Variants in PCDHGA3 observed in about 807,000 individuals in gnomAD.
PCDHGA3 encodes protocadherin gamma subfamily A, 3, also known as protocadherin gamma-A3.
PCDHGA3 carries 40 observed loss-of-function variants against 58.5 expected under a neutral mutation model. The ratio of observed to expected loss-of-function variants is 0.68; its 90% CI spans 0.53 to 0.89. PCDHGA3 has a LOEUF of 0.89. Ranked by LOEUF, PCDHGA3 falls within the 40% of genes least tolerant of loss-of-function variation. The pLI, the probability that PCDHGA3 is intolerant of heterozygous loss-of-function variation, is 0.00. For synonymous variants in PCDHGA3, 530 were observed against 525.7 expected (o/e 1.01, Z -0.11); for missense variants, 1,223 against 1,195.9 (o/e 1.02, Z -0.33).
In PCDHGA3 at chr5:141,431,616, A is replaced by G. The variant is rs776151297; in HGVS notation, c.2425-63191A>G. 1 of 1,614,250 alleles carries G rather than the reference A, an allele frequency of 6.2e-7. No individual in the cohort carries two copies. Among genetic ancestry groups the G allele is most frequent in the Non-Finnish European group, 8.5e-7 (1 of 1,180,042 alleles). ...AGGTATTCCTTCCGGTATGTGGACG[A>G]CAAGGCGGCCCAAGTTTTCAAACTA... On this transcript the variant is annotated intron_variant, in intron 1 of 3. Transcript: ENST00000253812. This position sits in a 1 kb window ranked among gnomAD's most constrained non-coding sequence, Gnocchi z 4.8.
rs1280923293 is a variant in PCDHGA3 at position 141,478,837 on chromosome 5, G to A, written c.2425-15970G>A. ...AACTAACCAATCTTGCTAAGGGATG[G>A]TTAAGCTAAAACACAAGATCTCAGC... is the stretch of plus-strand genomic sequence containing the variant. On this transcript the variant is annotated intron_variant, in intron 1 of 3. Transcript: ENST00000253812. 3.5e-6 allele frequency: 5 copies of A among 1,428,112 alleles called. No homozygotes were observed. The African/African-American group carries it at 5.8e-5, about 16-fold the overall frequency. The allele number at this position is 1,428,112 out of a possible 1,614,324, so 88.5% of individuals were successfully genotyped here.
At chr5:141,503,387 G>A (rs975079596) in intron 2 of PCDHGA3, among the ~76,000 whole-genome samples, 24 of 152,068 alleles carry the variant, frequency 1.6e-4, no homozygotes, top group Middle Eastern at 3.4e-3. Flanking sequence ...ATGAGGTCAG[G>A]AGTTCGAAAC....
Position 141,395,191 on chromosome 5 carries a change from C to T in PCDHGA3, c.2424+48734C>T, listed in dbSNP as rs781685191. ...TGTGAGAAAAATGATTCTTTGTTAA[C>T]ATCCGTAGATTTTCATGAATATAAG... is the stretch of plus-strand genomic sequence containing the variant. On this transcript the variant is annotated intron_variant, in intron 1 of 3. Transcript: ENST00000253812. 8 of 1,614,074 alleles carry T rather than the reference C, an allele frequency of 5.0e-6. 1 individual carries two copies. The South Asian group carries it at 7.7e-5, about 16-fold the overall frequency.
intron 1 of PCDHGA3, chr5:141,352,382 G>T (rs749766771): frequency 8.7e-6 from 14 of 1,614,026 alleles, no homozygotes; most frequent in Non-Finnish European, 1.1e-5. Flanking sequence ...TCTAGCGATC[G>T]CCCTGCGCCT....
At position 141,491,692 on chromosome 5, in the gene PCDHGA3, C is replaced by A. The variant is rs749349869; in HGVS notation, c.2425-3115C>A. The A allele has an allele frequency of 6.2e-7, 1 of 1,612,592 alleles. No homozygotes were observed. Among genetic ancestry groups the A allele is most frequent in the Non-Finnish European group, 8.5e-7 (1 of 1,179,338 alleles). On this transcript the variant is annotated intron_variant, in intron 1 of 3. Coordinates refer to ENST00000253812, the MANE Select transcript of PCDHGA3 (RefSeq NM_018916.4). This position sits in a 1 kb window ranked among gnomAD's most constrained non-coding sequence, Gnocchi z 6.9. ...GTCCCGCTCTAATACGCTGCGGGAG[C>A]GGAGCCAGGTGAGGGGCTCGGCGCC...
intron 1 of PCDHGA3, chr5:141,373,926 G>A: frequency 1.5e-6 from 1 of 662,052 alleles, no homozygotes; most frequent in Non-Finnish European, 2.3e-6. Flanking sequence ...AAATTAGACG[G>A]GAAAGCAGGA....
chr5:141,429,583 T>A (rs2097226045), intron 1 of PCDHGA3, among the ~76,000 whole-genome samples: 2 of 152,218 alleles, frequency 1.3e-5, no homozygotes, highest in South Asian at 4.1e-4. Flanking sequence ...TTACTTTTGA[T>A]TCTTGTAATT....
chr5:141,398,803 A>C (rs551301850), intron 1 of PCDHGA3: 2 of 1,613,960 alleles, frequency 1.2e-6, no homozygotes, highest in African/African-American at 2.7e-5. Context: ...AAGCGGCACC[A>C]CTGAGCTCCG....
At chr5:141,457,318 C>T (rs990268003) in intron 1 of PCDHGA3, among the ~76,000 whole-genome samples, 3 of 152,238 alleles carry the variant, frequency 2.0e-5, no homozygotes, top group South Asian at 2.1e-4. Context: ...AAGAAACCTC[C>T]GGGTTACAGG....
chr5:141,409,130 G>A, intron 1 of PCDHGA3: 1 of 1,613,994 alleles, frequency 6.2e-7, no homozygotes, highest in South Asian at 1.1e-5. Context: ...ATTTGATTTT[G>A]AAGATGTAGA....
At chr5:141,379,309 C>T (rs1297432422) in intron 1 of PCDHGA3, 3 of 152,102 alleles carry the variant, frequency 2.0e-5, no homozygotes, top group Admixed American at 1.3e-4. Context: ...TATACCTAAA[C>T]AAGAGATCTA....
At chr5:141,394,955 C>A (rs2093135329) in intron 1 of PCDHGA3, 11 of 1,613,878 alleles carry the variant, frequency 6.8e-6, no homozygotes, top group Non-Finnish European at 8.5e-6. Context: ...TTCTGGGGCT[C>A]AGGCTGAGGC....
chr5:141,405,390 T>C (rs1561700240), intron 1 of PCDHGA3: 1 of 1,600,118 alleles, frequency 6.2e-7, no homozygotes, highest in South Asian at 1.1e-5. Context: ...AGTTCATTTT[T>C]TTTCTTTCTT....
At position 141,454,796 on chromosome 5, in the gene PCDHGA3, A is replaced by ATT. The variant is rs61612330; in HGVS notation, c.2425-39983_2425-39982dup. On this transcript the variant is annotated intron_variant, in intron 1 of 3. Coordinates refer to ENST00000253812, the MANE Select transcript of PCDHGA3 (RefSeq NM_018916.4). Reference sequence around the variant, plus strand: ...AAGGAAATAATCCTCCATGGTTCTAATTTTTTTTTTTTTTTTTTTTTTTTT... The same window carrying ATT: ...AAGGAAATAATCCTCCATGGTTCTAATTTTTTTTTTTTTTTTTTTTTTTTTTT... 6.7e-3 allele frequency among the ~76,000 whole-genome samples: 521 copies of ATT among 77,456 alleles called. 71 individuals are homozygous for ATT. The highest frequency in any genetic ancestry group is 0.017 in the Middle Eastern group (2 of 120). The allele number at this position is 77,456 out of a possible 152,430, so 50.8% of individuals were successfully genotyped here.
chr5:141,356,962 G>A, intron 1 of PCDHGA3: 1 of 1,614,224 alleles, frequency 6.2e-7, no homozygotes, highest in Non-Finnish European at 8.5e-7. Context: ...CGGCTACCTG[G>A]TGACCAAAGT....
At chr5:141,401,805 G>C (rs1307812903) in intron 1 of PCDHGA3, among the ~76,000 whole-genome samples, 1 of 152,132 alleles carries the variant, frequency 6.6e-6, no homozygotes, top group Non-Finnish European at 1.5e-5. Context: ...TTCAGTAAAT[G>C]GGTTCCTTAC....
chr5:141,366,653 T>C (rs1764716259), intron 1 of PCDHGA3: 3 of 1,614,122 alleles, frequency 1.9e-6, no homozygotes, highest in Non-Finnish European at 1.7e-6. Context: ...CCAGCCCAAC[T>C]ACGCAGACAC....
intron 1 of PCDHGA3, chr5:141,385,474 T>C (rs554098554): frequency 2.1e-6 from 3 of 1,436,644 alleles, no homozygotes; most frequent in African/African-American, 1.4e-5. Flanking sequence ...GGTGACACTT[T>C]AATATAGAAC....
In PCDHGA3 at chr5:141,511,402, A is replaced by C; in HGVS notation, c.*229A>C. On this transcript the variant is annotated 3_prime_UTR_variant, in exon 4 of 4. Transcript: ENST00000253812. Reference sequence around the variant, plus strand: ...TTCCGCTGGGAACCCCCATCCAATCAACTGCTGTACCCATGGGGGTAGTGG... The same window carrying C: ...TTCCGCTGGGAACCCCCATCCAATCCACTGCTGTACCCATGGGGGTAGTGG... The C allele has an allele frequency of 1.0e-6, 1 of 969,684 alleles. No individual in the cohort carries two copies. 60.1% of individuals were successfully genotyped at this position (969,684 alleles called of 1,614,324 possible).
Sources: allele counts gnomAD v4.1 joint callset (sites outside exome capture counted in the v4.1 genomes callset), GRCh38; gene constraint gnomAD v4.1.1; non-coding constraint Gnocchi (gnomAD v3.1); transcripts MANE v1.5; gene names NCBI Gene and HGNC (gene_info 2026-07-23, HGNC 2026-07-21).